The following WDR70 variants were observed in gnomAD, a reference collection of about 807,000 sequenced individuals.
WDR70 encodes WD repeat domain 70, also known as WD repeat-containing protein 70.
Under a neutral mutation model 88.6 loss-of-function variants are expected in WDR70, and 53 were observed. That is an observed-to-expected ratio of 0.60 (90% CI 0.48 to 0.75). The LOEUF is 0.75. WDR70 is among the 30% of genes least tolerant of loss of function. The probability of loss-of-function intolerance (pLI) is 0.00; values close to 1 mark genes in which losing one functional copy is unlikely to be tolerated. For missense variants in WDR70, 610 were observed against 823.2 expected, an observed-to-expected ratio of 0.74 and a Z score of 3.17; for synonymous variants, 280 against 270.0, an observed-to-expected ratio of 1.04 and a Z score of -0.36.
At chr5:37,497,197 GCCTCCGTCCTCCCTCCATCCT>G (rs1446893191) in intron 8 of WDR70, among the ~76,000 whole-genome samples, 5 of 94,538 alleles carry the variant, frequency 5.3e-5, no homozygotes, top group Non-Finnish European at 8.1e-5. Flanking sequence ...CTCACTCCCT[GCCTCCGTCCTCCCTCCATCCT>G]CCTCCGTCCT....
chr5:37,532,596 G>C (rs1741530737), intron 9 of WDR70, among the ~76,000 whole-genome samples: 1 of 151,862 alleles, frequency 6.6e-6, no homozygotes, highest in Admixed American at 6.6e-5. Flanking sequence ...GTGTGTCCTT[G>C]ACTTCCAGAA....
chr5:37,476,713 G>C (rs1411763711), intron 7 of WDR70, among the ~76,000 whole-genome samples: 1 of 152,110 alleles, frequency 6.6e-6, no homozygotes, highest in Non-Finnish European at 1.5e-5. Context: ...ACCACACCTG[G>C]CTAATTTTTT....
intron 4 of WDR70, 30 bp from the exon 5 acceptor site, chr5:37,396,345 G>A (rs376180767): frequency 2.5e-6 from 4 of 1,575,660 alleles, no homozygotes; most frequent in Middle Eastern, 3.4e-4. Flanking sequence ...TTGCAGCAGA[G>A]GCAAAGAGTT....
chr5:37,649,754 T>TTTTTTTTA (rs1745343957), intron 10 of WDR70, among the ~76,000 whole-genome samples: 1 of 133,042 alleles, frequency 7.5e-6, no homozygotes, highest in Non-Finnish European at 1.6e-5. Flanking sequence ...TTTTTTTTTT[T>TTTTTTTTA]TGAGACGGAG....
intron 10 of WDR70, among the ~76,000 whole-genome samples, chr5:37,662,396 C>G (rs1745725948): frequency 6.6e-6 from 1 of 151,978 alleles, no homozygotes; most frequent in Admixed American, 6.6e-5. Context: ...TTAAGAAAGA[C>G]TGATTTGTGT....
At chr5:37,473,636 G>A (rs1345945663) in intron 7 of WDR70, among the ~76,000 whole-genome samples, 4 of 152,244 alleles carry the variant, frequency 2.6e-5, no homozygotes, top group East Asian at 3.9e-4. Context: ...GAGCCACCGC[G>A]CCTGGCCTTA....
At chr5:37,667,845 A>G (rs1008747257) in intron 10 of WDR70, among the ~76,000 whole-genome samples, 13 of 10,518 alleles carry the variant, frequency 1.2e-3, no homozygotes, top group African/African-American at 1.4e-3. Context: ...GTACGATCTG[A>G]AAAAAAAAAA....
At chr5:37,481,952 C>T (rs556751725) in intron 8 of WDR70, among the ~76,000 whole-genome samples, 106 of 152,348 alleles carry the variant, frequency 7.0e-4, no homozygotes, top group African/African-American at 2.5e-3. Context: ...TCCCGCCTAT[C>T]TTATGCCCTT....
chr5:37,629,297 C>T (rs919028179), intron 10 of WDR70, among the ~76,000 whole-genome samples: 57 of 152,242 alleles, frequency 3.7e-4, no homozygotes, highest in Admixed American at 3.3e-3. Flanking sequence ...TCTTTGAGCT[C>T]CCTGGACCTA....
rs1747990731 is a variant in WDR70 at position 37,727,012 on chromosome 5, A to G, written c.1844A>G (p.Asp615Gly). 7 of 1,610,758 alleles carry G rather than the reference A, an allele frequency of 4.3e-6. No homozygotes were observed. The highest frequency in any genetic ancestry group is 5.9e-6 in the Non-Finnish European group (7 of 1,178,640). Residue 615 changes from aspartate (D) to glycine (G), a missense_variant, in exon 17 of 18, where the codon GAC (aspartate) becomes GGC (glycine). Asp to Gly is a moderately conservative substitution (Grantham distance 94). Coordinates refer to ENST00000265107, the MANE Select transcript of WDR70 (RefSeq NM_018034.4). ...AILRHAKAAE[D>G]SPYWVSPAYS... ...TTGCGTCATGCCAAAGCAGCAGAAG[A>G]CAGCCCATATTGGGTTTCTCCAGCA...
At chr5:37,481,999 C>T (rs993188457) in intron 8 of WDR70, among the ~76,000 whole-genome samples, 3 of 152,178 alleles carry the variant, frequency 2.0e-5, no homozygotes, top group Admixed American at 1.3e-4. Flanking sequence ...AGTGTCTTTG[C>T]ATAGTAAGAG....
At chr5:37,748,549 G>A (rs1326953059) in intron 17 of WDR70, among the ~76,000 whole-genome samples, 1 of 152,116 alleles carries the variant, frequency 6.6e-6, no homozygotes, top group African/African-American at 2.4e-5. Flanking sequence ...TAGGACATAG[G>A]CATGGGCAAA....
chr5:37,569,506 A>G (rs958629403), intron 9 of WDR70, among the ~76,000 whole-genome samples: 1 of 152,084 alleles, frequency 6.6e-6, no homozygotes, highest in East Asian at 1.9e-4. Flanking sequence ...TTCATATATT[A>G]TTTGTTCTAT....
chr5:37,570,746 T>C (rs1211061010), intron 9 of WDR70, among the ~76,000 whole-genome samples: 1 of 152,212 alleles, frequency 6.6e-6, no homozygotes, highest in Non-Finnish European at 1.5e-5. Context: ...TTGGTTTTAG[T>C]AACATGTTCG....
intron 3 of WDR70, chr5:37,381,926 G>GCCTGTAAT: frequency 2.9e-6 from 1 of 345,646 alleles, no homozygotes; most frequent in South Asian, 2.4e-5. Context: ...TGGTGCAGGG[G>GCCTGTAAT]CCTGTAATCC....
intron 10 of WDR70, among the ~76,000 whole-genome samples, chr5:37,608,683 G>A (rs763931035): frequency 1.3e-5 from 2 of 151,882 alleles, no homozygotes; most frequent in Admixed American, 6.6e-5. Flanking sequence ...TCAGCCTCTC[G>A]AGTAGCTGAG....
In WDR70 at chr5:37,415,874, G is replaced by A. The variant is rs547969843; in HGVS notation, c.492+19304G>A. 4.6e-4 allele frequency among the ~76,000 whole-genome samples: 70 copies of A among 151,174 alleles called. 2 individuals carry two copies. In the South Asian group the frequency reaches 6.9e-3, roughly 15 times the overall value. ...GAGGCGCTCCTCACATCCCAGACGG[G>A]GCGGCGGGGCAGAGACGCTCCCCAC... On this transcript the variant is annotated intron_variant, in intron 5 of 17. Coordinates refer to ENST00000265107, the MANE Select transcript of WDR70 (RefSeq NM_018034.4).
chr5:37,751,314 A>G (rs898785084), intron 17 of WDR70, among the ~76,000 whole-genome samples: 3 of 152,262 alleles, frequency 2.0e-5, no homozygotes, highest in African/African-American at 7.2e-5. Flanking sequence ...GTTTATAGAT[A>G]TCATAACAGT....
rs187179112 is a variant in WDR70 at position 37,397,608 on chromosome 5, T to G, written c.492+1038T>G. 2.1e-3 allele frequency among the ~76,000 whole-genome samples: 324 copies of G among 152,254 alleles called. 1 individual carries two copies. Among genetic ancestry groups the G allele is most frequent in the Admixed American group, 9.1e-3 (139 of 15,302 alleles). ...AGAAGATGGGAGAGTGAAATCAGAGTTCATTGCTTTGTAAATGTTATTTGG... is the reference window on the plus strand; with the variant it reads ...AGAAGATGGGAGAGTGAAATCAGAGGTCATTGCTTTGTAAATGTTATTTGG... On this transcript the variant is annotated intron_variant, in intron 5 of 17. Transcript: ENST00000265107.
Sources: gnomAD v4.1 joint callset for allele counts (sites outside exome capture counted in the v4.1 genomes callset) on GRCh38, gnomAD v4.1.1 for gene constraint, MANE v1.5 for transcripts, NCBI Gene and HGNC (gene_info 2026-07-23, HGNC 2026-07-21) for gene names.